VPS4B: variants seen among roughly 807,000 people sequenced by gnomAD.
VPS4B encodes the protein vacuolar protein sorting-associated protein 4B.
A neutral mutation model predicts 56.1 loss-of-function variants in VPS4B; 23 were observed. That is an observed-to-expected ratio of 0.41 (90% CI 0.30 to 0.58). The LOEUF (loss-of-function observed/expected upper bound fraction) is 0.58, where lower values mean the gene tolerates loss of function less well. Among genes scored for constraint, VPS4B ranks in the 20% least tolerant of loss-of-function variants. The pLI is 0.29. For missense variants in VPS4B, 372 were observed against 531.9 expected (o/e 0.70, Z 2.96); for synonymous variants, 177 against 186.0 (o/e 0.95, Z 0.39).
chr18:63,394,903 C>T (rs941933453), intron 9 of VPS4B, among the ~76,000 whole-genome samples: 1 of 152,178 alleles, frequency 6.6e-6, no homozygotes, highest in Non-Finnish European at 1.5e-5. Context: ...ATTTTAGCTG[C>T]ATGAGGTCAG....
At position 63,411,502 on chromosome 18, in the gene VPS4B, T is replaced by A; in HGVS notation, c.104A>T (p.Gln35Leu). The change falls in exon 2 of 11, where the codon CAG becomes CTG. Residue 35 changes from glutamine (Q) to leucine (L), a missense_variant. By Grantham distance (113) the Gln-to-Leu change is moderately radical (BLOSUM62 -2). Transcript: ENST00000238497. ...ATGAAGAAAATACTGCACAGCATGC[T>A]GATAGAGCTGAAGGGCTTCTTCGTA... The part of the protein sequence containing the change: ...GNYEEALQLY[Q>L]HAVQYFLHVV... The A allele has an allele frequency of 6.2e-7, 1 of 1,601,096 alleles. No individual in the cohort carries two copies. The highest frequency in any genetic ancestry group is 1.1e-5 in the South Asian group (1 of 88,762).
intron 4 of VPS4B, among the ~76,000 whole-genome samples, chr18:63,405,972 C>T (rs575897574): frequency 1.1e-4 from 17 of 151,502 alleles, no homozygotes; most frequent in African/African-American, 3.9e-4. Flanking sequence ...GGCAACACAG[C>T]GACACCCTTG....
At position 63,413,077 on chromosome 18, in the gene VPS4B, ATC is replaced by A. The variant is rs1163309982; in HGVS notation, c.28-1501_28-1500del. Among the ~76,000 whole-genome samples the A allele has an allele frequency of 4.6e-5, 7 of 152,338 alleles. No homozygotes were observed. In the East Asian group the frequency reaches 1.3e-3, roughly 29 times the overall value. On this transcript the variant is annotated intron_variant, in intron 1 of 10. Transcript: ENST00000238497. ...AAAGAACTCTCAAAATGTAACACATATCTACATGTGATAAAACTGCACAAACA... is the reference window on the plus strand; with the variant it reads ...AAAGAACTCTCAAAATGTAACACATATACATGTGATAAAACTGCACAAACA...
intron 4 of VPS4B, among the ~76,000 whole-genome samples, chr18:63,406,334 A>T (rs1915915716): frequency 6.6e-6 from 1 of 152,246 alleles, no homozygotes; most frequent in Non-Finnish European, 1.5e-5. Context: ...TCAACACATT[A>T]TCCTTACAGT....
intron 10 of VPS4B, 87 bp from the exon 11 acceptor site, chr18:63,391,163 C>A: frequency 1.2e-6 from 1 of 825,928 alleles, no homozygotes; most frequent in Non-Finnish European, 2.0e-6. Flanking sequence ...TTGCTATGAA[C>A]TTTAACCTAA....
intron 1 of VPS4B, among the ~76,000 whole-genome samples, chr18:63,412,662 A>T (rs772611892): frequency 6.6e-6 from 1 of 152,154 alleles, no homozygotes; most frequent in Non-Finnish European, 1.5e-5. Flanking sequence ...TGGATCATAG[A>T]ATTAAATGTA....
chr18:63,397,281 T>C, intron 8 of VPS4B, 28 bp from the exon 9 acceptor site: 2 of 1,564,474 alleles, frequency 1.3e-6, no homozygotes, highest in Admixed American at 1.9e-5. Flanking sequence ...ATCAAGAATA[T>C]ATTTAATTGA....
intron 4 of VPS4B, 66 bp from the exon 5 acceptor site, chr18:63,403,892 AAAT>A: frequency 6.6e-7 from 1 of 1,523,708 alleles, no homozygotes; most frequent in African/African-American, 1.4e-5. Flanking sequence ...AGACAACATG[AAAT>A]AATGATGTTA....
chr18:63,414,843 C>T (rs1000218891), intron 1 of VPS4B, among the ~76,000 whole-genome samples: 1 of 152,240 alleles, frequency 6.6e-6, no homozygotes, highest in Non-Finnish European at 1.5e-5. Flanking sequence ...AGTCAGGCCT[C>T]ACTGAGGCAC....
chr18:63,403,891 G>T, intron 4 of VPS4B, 65 bp from the exon 5 acceptor site: 1 of 1,520,722 alleles, frequency 6.6e-7, no homozygotes, highest in Non-Finnish European at 8.9e-7. Context: ...AAGACAACAT[G>T]AAATAATGAT....
At chr18:63,396,021 A>C (rs1915660843) in intron 9 of VPS4B, among the ~76,000 whole-genome samples, 1 of 152,214 alleles carries the variant, frequency 6.6e-6, no homozygotes, top group Non-Finnish European at 1.5e-5. Flanking sequence ...TGAAATAGTA[A>C]GATAAAAGAC....
intron 1 of VPS4B, among the ~76,000 whole-genome samples, chr18:63,412,014 A>G (rs1310159194): frequency 6.6e-6 from 1 of 152,246 alleles, no homozygotes; most frequent in African/African-American, 2.4e-5. Flanking sequence ...AAATGGGGTG[A>G]AACCTCTTCA....
chr18:63,404,112 T>C (rs1915867399), intron 4 of VPS4B, among the ~76,000 whole-genome samples: 1 of 152,152 alleles, frequency 6.6e-6, no homozygotes, highest in Admixed American at 6.5e-5. Context: ...ACTACTTAGA[T>C]AGGTTGGTGC....
At chr18:63,418,160 A>G (rs1388781352) in intron 1 of VPS4B, among the ~76,000 whole-genome samples, 3 of 150,802 alleles carry the variant, frequency 2.0e-5, no homozygotes, top group African/African-American at 7.3e-5. Flanking sequence ...ACACACCATC[A>G]CTCCTCAGCT....
chr18:63,393,745 GT>G (rs1043352581), intron 9 of VPS4B, among the ~76,000 whole-genome samples, 196 bp from the exon 10 acceptor site: 11 of 149,098 alleles, frequency 7.4e-5, no homozygotes, highest in South Asian at 2.1e-4. Flanking sequence ...GTTGCTTTTA[GT>G]TTTTTTTTTG....
chr18:63,407,342 A>G, intron 4 of VPS4B, 90 bp downstream of exon 4: 1 of 1,127,786 alleles, frequency 8.9e-7, no homozygotes, highest in Non-Finnish European at 1.3e-6. Flanking sequence ...TCATTTAAAT[A>G]TAGAGGGAGA....
chr18:63,400,383 T>C (rs1915783544), intron 6 of VPS4B, among the ~76,000 whole-genome samples, 164 bp downstream of exon 6: 1 of 152,180 alleles, frequency 6.6e-6, no homozygotes, highest in African/African-American at 2.4e-5. Flanking sequence ...TGCTATCTTT[T>C]CCCACAAAAG....
chr18:63,416,513 C>T (rs1230692331), intron 1 of VPS4B: 1 of 152,228 alleles, frequency 6.6e-6, no homozygotes, highest in African/African-American at 2.4e-5. Flanking sequence ...GAATATAATC[C>T]TCACCATCTC....
intron 2 of VPS4B, among the ~76,000 whole-genome samples, chr18:63,411,178 C>T (rs964121292): frequency 5.3e-5 from 8 of 152,214 alleles, no homozygotes; most frequent in African/African-American, 1.9e-4. Context: ...GTGGTACACA[C>T]GCAATACATA....
Sources: allele counts gnomAD v4.1 joint callset (sites outside exome capture counted in the v4.1 genomes callset), GRCh38; gene constraint gnomAD v4.1.1; transcripts MANE v1.5; gene names NCBI Gene and HGNC (gene_info 2026-07-23, HGNC 2026-07-21).